ZNF627: variants seen among roughly 807,000 people sequenced by gnomAD.
The protein encoded by ZNF627 is zinc finger protein 627.
Under a neutral mutation model 10.6 loss-of-function variants are expected in ZNF627, and 12 were observed. The observed-to-expected ratio is 1.13, with a 90% CI of 0.73 to 1.84. The LOEUF is 1.84. Among genes scored for constraint, ZNF627 ranks in the 40% most tolerant of loss-of-function variants. The pLI, the probability that ZNF627 is intolerant of heterozygous loss-of-function variation, is 0.00. For missense variants in ZNF627, 504 were observed against 568.4 expected (o/e 0.89, Z 1.15); for synonymous variants, 176 against 187.1 (o/e 0.94, Z 0.48).
chr19:11,606,809 A>G (rs1336341369), intron 1 of ZNF627, among the ~76,000 whole-genome samples: 2 of 152,160 alleles, frequency 1.3e-5, no homozygotes, highest in African/African-American at 2.4e-5. Context: ...CCAACACCAC[A>G]TGGCAGCTGC....
At position 11,617,168 on chromosome 19, in the gene ZNF627, C is replaced by T. The variant is rs951567895; in HGVS notation, c.665C>T (p.Pro222Leu). 6.2e-7 allele frequency: 1 copy of T among 1,613,546 alleles called. No homozygotes were observed. Among genetic ancestry groups the T allele is most frequent in the Non-Finnish European group, 8.5e-7 (1 of 1,179,922 alleles). The change falls in exon 4 of 4, where the codon CCT (proline) becomes CTT (leucine). Residue 222 changes from proline (P) to leucine (L), a missense_variant. Coordinates refer to ENST00000361113, the MANE Select transcript of ZNF627 (RefSeq NM_145295.4). ...IHERSHTGEKPYECKQCGKAF... is the reference protein window; with the variant it reads ...IHERSHTGEKLYECKQCGKAF... ...GAAAGAAGTCACACTGGAGAGAAAC[C>T]TTATGAATGCAAGCAATGTGGGAAA...
At position 11,617,681 on chromosome 19, in the gene ZNF627, G is replaced by A; in HGVS notation, c.1178G>A (p.Cys393Tyr). The part of the protein sequence containing the change: ...RIHTGEKPYK[C>Y]TKCGKAFSRS... Reference sequence around the variant, plus strand: ...CACACTGGAGAGAAACCCTATAAATGTACAAAATGTGGGAAAGCCTTCAGT... The same window carrying A: ...CACACTGGAGAGAAACCCTATAAATATACAAAATGTGGGAAAGCCTTCAGT... Residue 393 changes from cysteine to tyrosine, a missense_variant, in exon 4 of 4, where the codon TGT becomes TAT. Transcript: ENST00000361113. The A allele has an allele frequency of 6.2e-7, 1 of 1,612,516 alleles. No homozygotes were observed. Among genetic ancestry groups the A allele is most frequent in the Non-Finnish European group, 8.5e-7 (1 of 1,179,538 alleles).
At chr19:11,609,493 A>T (rs1454623020) in intron 1 of ZNF627, among the ~76,000 whole-genome samples, 1 of 21,518 alleles carries the variant, frequency 4.6e-5, no homozygotes, top group East Asian at 9.0e-4. Context: ...ATATATATAT[A>T]TATATATATA....
Position 11,617,318 on chromosome 19 carries a change from C to T in ZNF627, c.815C>T (p.Thr272Ile), listed in dbSNP as rs1433609123. The change falls in exon 4 of 4, where the codon ACT becomes ATT. Residue 272 changes from threonine to isoleucine, a missense_variant. Coordinates refer to ENST00000361113, the MANE Select transcript of ZNF627 (RefSeq NM_145295.4). ...AAGTACATTCGAATCCATGAACGAA[C>T]TCACACAGGAGAGAAACCCTACGAA... Reference protein sequence around the residue: ...CSKYIRIHERTHTGEKPYECK... With the variant: ...CSKYIRIHERIHTGEKPYECK... The T allele has an allele frequency of 1.9e-6, 3 of 1,613,696 alleles. No individual in the cohort carries two copies. The highest frequency in any genetic ancestry group is 1.7e-5 in the Admixed American group (1 of 59,956).
At chr19:11,607,860 A>C (rs1437323171) in intron 1 of ZNF627, among the ~76,000 whole-genome samples, 1 of 151,738 alleles carries the variant, frequency 6.6e-6, no homozygotes, top group Non-Finnish European at 1.5e-5. Context: ...AACTGTTCCA[A>C]CCCTTGCCTG....
intron 1 of ZNF627, among the ~76,000 whole-genome samples, chr19:11,605,922 TC>T: frequency 6.6e-6 from 1 of 152,280 alleles, no homozygotes; most frequent in East Asian, 1.9e-4. Flanking sequence ...GTTAGCTACT[TC>T]CTAGATACAG....
intron 3 of ZNF627, among the ~76,000 whole-genome samples, chr19:11,616,033 C>T (rs1218878430): frequency 6.9e-6 from 1 of 144,856 alleles, no homozygotes; most frequent in Non-Finnish European, 1.5e-5. Context: ...ATATCATTTT[C>T]TTTCTTTCTT....
chr19:11,603,639 A>T (rs1973625657), intron 1 of ZNF627, among the ~76,000 whole-genome samples: 2 of 151,838 alleles, frequency 1.3e-5, no homozygotes, highest in Admixed American at 1.3e-4. Flanking sequence ...GTTATATTGT[A>T]TGCCATCTGT....
At chr19:11,602,281 C>A (rs1200234076) in intron 1 of ZNF627, among the ~76,000 whole-genome samples, 1 of 152,106 alleles carries the variant, frequency 6.6e-6, no homozygotes, top group African/African-American at 2.4e-5. Flanking sequence ...GTACTTTGTT[C>A]TGACTGATCA....
chr19:11,602,556 A>G (rs1261592740), intron 1 of ZNF627, among the ~76,000 whole-genome samples: 1 of 152,076 alleles, frequency 6.6e-6, no homozygotes, highest in Non-Finnish European at 1.5e-5. Flanking sequence ...TCTGATTTAT[A>G]TGCAGTTGCT....
At chr19:11,610,866 T>G (rs1192152639) in intron 1 of ZNF627, among the ~76,000 whole-genome samples, 3 of 152,210 alleles carry the variant, frequency 2.0e-5, no homozygotes, top group Non-Finnish European at 4.4e-5. Context: ...TTTTCTTTCT[T>G]TTTTGAGACT....
rs1448057829 is a variant in ZNF627 at position 11,617,901 on chromosome 19, G to C, written c.*12G>C. On this transcript the variant is annotated 3_prime_UTR_variant, in exon 4 of 4. Transcript: ENST00000361113. ...CAGTTCTTTCATGAGCATGAAAGGA[G>C]TCACATAGAGAAACCCCATGAAAGT... 1.3e-6 allele frequency: 2 copies of C among 1,508,904 alleles called. No individual in the cohort carries two copies. Among genetic ancestry groups the C allele is most frequent in the Non-Finnish European group, 1.8e-6 (2 of 1,138,546 alleles). 93.5% of individuals were successfully genotyped at this position (1,508,904 alleles called of 1,614,324 possible).
chr19:11,614,698 T>C (rs751129397), intron 2 of ZNF627, 45 bp downstream of exon 2: 3 of 1,613,150 alleles, frequency 1.9e-6, no homozygotes, highest in Non-Finnish European at 8.5e-7. Context: ...AGAGAACAAG[T>C]GTTTCTAGCT....
intron 1 of ZNF627, among the ~76,000 whole-genome samples, chr19:11,608,475 A>C (rs1973712065): frequency 6.6e-6 from 1 of 152,216 alleles, no homozygotes; most frequent in African/African-American, 2.4e-5. Context: ...TAGAATAATA[A>C]ATAACAATTT....
In ZNF627 at chr19:11,608,998, T is replaced by C. The variant is rs547208487; in HGVS notation, c.4-5529T>C. Among the ~76,000 whole-genome samples the C allele has an allele frequency of 2.8e-4, 42 of 152,000 alleles. 1 individual carries two copies. The highest frequency in any genetic ancestry group is 9.4e-4 in the African/African-American group (39 of 41,462). The stretch of plus-strand genomic sequence containing the variant: ...GCCATCCTCCTGCCTCAGCCTCCTG[T>C]GTAGCTGAGACTAGAGGGCATGCCA... On this transcript the variant is annotated intron_variant, in intron 1 of 3. Transcript: ENST00000361113.
intron 1 of ZNF627, among the ~76,000 whole-genome samples, chr19:11,602,005 C>CAAAAAA (rs67176670): frequency 1.5e-4 from 8 of 53,786 alleles, no homozygotes; most frequent in African/African-American, 6.1e-4. Context: ...GACTCTGTCT[C>CAAAAAA]AAAAAAAAAA....
At chr19:11,606,445 G>A (rs1973676691) in intron 1 of ZNF627, among the ~76,000 whole-genome samples, 1 of 152,222 alleles carries the variant, frequency 6.6e-6, no homozygotes, top group Non-Finnish European at 1.5e-5. Flanking sequence ...CTCTGCCCCT[G>A]TGGCTTTGCA....
chr19:11,600,253 A>G (rs565483294), intron 1 of ZNF627, among the ~76,000 whole-genome samples: 288 of 152,060 alleles, frequency 1.9e-3, no homozygotes, highest in African/African-American at 6.6e-3. Context: ...ATCCTGGCTA[A>G]CACAGTGAAA....
At position 11,616,746 on chromosome 19, in the gene ZNF627, A is replaced by T. The variant is rs1298148107; in HGVS notation, c.243A>T (p.Glu81Asp). 6.2e-7 allele frequency: 1 copy of T among 1,610,490 alleles called. No individual in the cohort carries two copies. The highest frequency in any genetic ancestry group is 1.1e-5 in the South Asian group (1 of 90,614). ...GTAAAGAAGGTGGTCAAGGTGAAGA[A>T]ACCTTCAGCCAGATTCCAGATGGTA... The part of the protein sequence containing the change: ...CESKEGGQGE[E>D]TFSQIPDGIL... The change falls in exon 4 of 4, where the codon GAA becomes GAT. Residue 81 changes from glutamate to aspartate, a missense_variant. By Grantham distance (45) the Glu-to-Asp change is conservative (BLOSUM62 2). Coordinates refer to ENST00000361113, the MANE Select transcript of ZNF627 (RefSeq NM_145295.4).
Sources: allele counts gnomAD v4.1 joint callset (sites outside exome capture counted in the v4.1 genomes callset), GRCh38; gene constraint gnomAD v4.1.1; transcripts MANE v1.5; gene names NCBI Gene and HGNC (gene_info 2026-07-23, HGNC 2026-07-21).